UBASH3B: variants seen among roughly 807,000 people sequenced by gnomAD.
The protein encoded by UBASH3B is ubiquitin associated and SH3 domain containing B, also known as ubiquitin-associated and SH3 domain-containing protein B.
Under a neutral mutation model 83.4 loss-of-function variants are expected in UBASH3B, and 37 were observed. The ratio of observed to expected loss-of-function variants is 0.44; its 90% CI spans 0.34 to 0.58. The LOEUF is 0.58. UBASH3B is among the 20% of genes least tolerant of loss of function. The pLI, the probability that UBASH3B is intolerant of heterozygous loss-of-function variation, is 0.01. For synonymous variants in UBASH3B, 304 were observed against 318.3 expected (o/e 0.96, Z 0.48); for missense variants, 657 against 827.2 (o/e 0.79, Z 2.52).
At chr11:122,794,860 C>T (rs771895906) in intron 7 of UBASH3B, 26 bp downstream of exon 7, 3 of 1,612,048 alleles carry the variant, frequency 1.9e-6, no homozygotes, top group African/African-American at 2.7e-5. Context: ...AGGGTCACAC[C>T]CCCAACTCTA....
intron 3 of UBASH3B, 79 bp downstream of exon 3, chr11:122,777,289 A>G (rs2135141487): frequency 6.9e-7 from 1 of 1,441,500 alleles, no homozygotes; most frequent in Non-Finnish European, 9.3e-7. Flanking sequence ...GAGCAAAGGG[A>G]GGCCTCGCAG....
intron 1 of UBASH3B, among the ~76,000 whole-genome samples, chr11:122,682,562 G>A (rs1260231078): frequency 1.3e-5 from 2 of 152,188 alleles, no homozygotes; most frequent in Non-Finnish European, 2.9e-5. Context: ...TTTGGTTCCT[G>A]GAGCCTGAGA....
intron 1 of UBASH3B, among the ~76,000 whole-genome samples, chr11:122,699,557 C>CTTTCTTTCT (rs1555137179): frequency 5.6e-4 from 80 of 142,986 alleles, no homozygotes; most frequent in African/African-American, 2.0e-3. Context: ...TTCTTTCTTT[C>CTTTCTTTCT]TTTCTTTCTT....
At chr11:122,743,633 G>GA (rs898712694) in intron 1 of UBASH3B, among the ~76,000 whole-genome samples, 4 of 152,130 alleles carry the variant, frequency 2.6e-5, no homozygotes, top group African/African-American at 9.7e-5. Context: ...TGCTAATTAT[G>GA]AAAAAACTGT....
At chr11:122,752,237 T>C (rs1326897711) in intron 1 of UBASH3B, among the ~76,000 whole-genome samples, 2 of 152,022 alleles carry the variant, frequency 1.3e-5, no homozygotes, top group Non-Finnish European at 2.9e-5. Context: ...TTGGTACCCC[T>C]AAGATGCCAA....
In UBASH3B at chr11:122,811,471, A is replaced by G. The variant is rs1861447708; in HGVS notation, c.*1585A>G. ...GAAAGGATGCTGGCTATATATGTTA[A>G]TGAGCAAAAGGATTATAGTTGTTTT... is the stretch of plus-strand genomic sequence containing the variant. On this transcript the variant is annotated 3_prime_UTR_variant, in exon 14 of 14. Coordinates refer to ENST00000284273, the MANE Select transcript of UBASH3B (RefSeq NM_032873.5). The G allele has an allele frequency of 6.6e-6, 1 of 152,152 alleles. No homozygotes were observed. Among genetic ancestry groups the G allele is most frequent in the East Asian group, 1.9e-4 (1 of 5,190 alleles). The allele number at this position is 152,152 out of a possible 1,614,324, so 9.4% of individuals were successfully genotyped here.
chr11:122,768,500 G>A (rs935983332), intron 1 of UBASH3B, among the ~76,000 whole-genome samples: 3 of 137,656 alleles, frequency 2.2e-5, no homozygotes, highest in Non-Finnish European at 4.7e-5. Context: ...GTGTGTGTGT[G>A]TGTGTGTGTA....
intron 1 of UBASH3B, among the ~76,000 whole-genome samples, chr11:122,669,164 T>C (rs1863558088): frequency 2.0e-5 from 3 of 152,216 alleles, no homozygotes; most frequent in Admixed American, 6.5e-5. Flanking sequence ...ACAACACACA[T>C]GCATTCCCAT....
At chr11:122,698,549 A>G (rs555812712) in intron 1 of UBASH3B, among the ~76,000 whole-genome samples, 2 of 152,282 alleles carry the variant, frequency 1.3e-5, no homozygotes, top group Middle Eastern at 3.4e-3. Context: ...CACTCACAGT[A>G]TGGGAGAGCC....
At chr11:122,785,168 G>A (rs1274686492) in intron 5 of UBASH3B, among the ~76,000 whole-genome samples, 1 of 152,176 alleles carries the variant, frequency 6.6e-6, no homozygotes, top group African/African-American at 2.4e-5. Flanking sequence ...GAAGGAAAAA[G>A]GCAGCAAGCG....
intron 1 of UBASH3B, among the ~76,000 whole-genome samples, chr11:122,666,441 C>T (rs368316805): frequency 1.3e-5 from 2 of 150,080 alleles, no homozygotes; most frequent in African/African-American, 2.4e-5. Flanking sequence ...CGTTTTGAGA[C>T]GGAGTCTCGC....
At position 122,810,695 on chromosome 11, in the gene UBASH3B, G is replaced by A. The variant is rs1861431526; in HGVS notation, c.*809G>A. On this transcript the variant is annotated 3_prime_UTR_variant, in exon 14 of 14. Transcript: ENST00000284273. ...TATGAAGTGACTTGGAATTAACCAT[G>A]TTGTAGCCTAACGTGCTACTGCATT... 6.6e-6 allele frequency: 1 copy of A among 152,532 alleles called. No individual in the cohort carries two copies. The highest frequency in any genetic ancestry group is 2.1e-4 in the South Asian group (1 of 4,824). The allele number at this position is 152,532 out of a possible 1,614,324, so 9.4% of individuals were successfully genotyped here. A position where few individuals can be genotyped will look rare whatever the true frequency, so the allele number is the denominator to read the frequency against.
At chr11:122,681,275 T>C (rs1591766311) in intron 1 of UBASH3B, among the ~76,000 whole-genome samples, 2 of 152,208 alleles carry the variant, frequency 1.3e-5, no homozygotes, top group African/African-American at 4.8e-5. Context: ...ATCCAAGACG[T>C]TGATTTCTTT....
intron 1 of UBASH3B, among the ~76,000 whole-genome samples, chr11:122,705,888 CCTT>C (rs1040240975): frequency 2.6e-4 from 40 of 152,078 alleles, no homozygotes; most frequent in Non-Finnish European, 5.3e-4. Flanking sequence ...CAGCTGATGC[CCTT>C]CTTTTGTGAG....
chr11:122,733,318 C>G (rs1860874967), intron 1 of UBASH3B, among the ~76,000 whole-genome samples: 2 of 152,202 alleles, frequency 1.3e-5, no homozygotes, highest in Non-Finnish European at 2.9e-5. Context: ...CTGGAGTTCC[C>G]TGGTGTCCAG....
In UBASH3B at chr11:122,808,188, T is replaced by C; in HGVS notation, c.1812+12T>C. 1.2e-6 allele frequency: 2 copies of C among 1,610,294 alleles called. No individual in the cohort carries two copies. Among genetic ancestry groups the C allele is most frequent in the Non-Finnish European group, 1.7e-6 (2 of 1,176,590 alleles). On this transcript the variant is annotated intron_variant, in intron 13 of 13. Transcript: ENST00000284273. ...AAATGGTCCGAAAGGTAATTCATTCTCGTACTTTGGGGTCCGTGATGGCTA... is the reference window on the plus strand; with the variant it reads ...AAATGGTCCGAAAGGTAATTCATTCCCGTACTTTGGGGTCCGTGATGGCTA...
At chr11:122,708,211 C>A (rs73016277) in intron 1 of UBASH3B, among the ~76,000 whole-genome samples, 5,548 of 151,778 alleles carry the variant, frequency 0.037, 149 homozygotes, top group Non-Finnish European at 0.055. Context: ...AGAAGAGAGG[C>A]TAGGAGAGGT....
intron 1 of UBASH3B, among the ~76,000 whole-genome samples, chr11:122,755,637 G>A (rs1449394555): frequency 1.3e-5 from 2 of 152,166 alleles, no homozygotes; most frequent in African/African-American, 2.4e-5. Context: ...CACTCTGTGA[G>A]GGAGGCCATA....
intron 1 of UBASH3B, among the ~76,000 whole-genome samples, chr11:122,686,865 A>T (rs905976175): frequency 6.1e-5 from 9 of 147,048 alleles, no homozygotes; most frequent in African/African-American, 1.2e-4. Context: ...AAATGAAGGT[A>T]TTTTTTTTTT....
Sources: allele counts gnomAD v4.1 joint callset (sites outside exome capture counted in the v4.1 genomes callset), GRCh38; gene constraint gnomAD v4.1.1; transcripts MANE v1.5; gene names NCBI Gene and HGNC (gene_info 2026-07-23, HGNC 2026-07-21).